Variants in MKKS observed in about 807,000 individuals in gnomAD.
The protein encoded by MKKS is molecular chaperone MKKS.
Under a neutral mutation model 33.2 loss-of-function variants are expected in MKKS, and 29 were observed. That is an observed-to-expected ratio of 0.87 (90% confidence interval 0.65 to 1.19). MKKS has a LOEUF of 1.19. Among genes scored for constraint, MKKS ranks in the 50% most tolerant of loss-of-function variants. The pLI is 0.00. For synonymous variants in MKKS, 260 were observed against 244.0 expected, an observed-to-expected ratio of 1.07 and a Z score of -0.61; for missense variants, 661 against 662.3, an observed-to-expected ratio of 1.00 and a Z score of 0.02.
At chr20:10,433,510 T>C (rs955793054) in intron 1 of MKKS, among the ~76,000 whole-genome samples, 2 of 152,116 alleles carry the variant, frequency 1.3e-5, no homozygotes, top group Non-Finnish European at 2.9e-5. Flanking sequence ...AATGAATGAA[T>C]GAAACCGTCA....
In MKKS at chr20:10,407,599, A is replaced by C. The variant is rs1433995589; in HGVS notation, c.1272+17T>G. 16 of 1,591,358 alleles carry C rather than the reference A, an allele frequency of 1.0e-5. No homozygotes were observed. Among genetic ancestry groups the C allele is most frequent in the African/African-American group, 1.3e-5 (1 of 74,464 alleles). ...TGCTGAGAATTCAGGTAATCCGAAGAGGATTATCTTACATACCTTGTGTCT... is the reference window on the plus strand; with the variant it reads ...TGCTGAGAATTCAGGTAATCCGAAGCGGATTATCTTACATACCTTGTGTCT... On this transcript the variant is annotated intron_variant, in intron 5 of 5. Coordinates refer to ENST00000347364, the MANE Select transcript of MKKS (RefSeq NM_170784.3).
chr20:10,424,307 G>C (rs1008127523), intron 1 of MKKS, among the ~76,000 whole-genome samples: 6 of 151,996 alleles, frequency 3.9e-5, no homozygotes, highest in Non-Finnish European at 7.4e-5. Context: ...TGTTACCCCA[G>C]CACTCTAGGA....
At chr20:10,410,619 C>A (rs988942891) in intron 3 of MKKS, among the ~76,000 whole-genome samples, 3 of 152,170 alleles carry the variant, frequency 2.0e-5, no homozygotes, top group South Asian at 2.1e-4. Flanking sequence ...TAGAGTGAGA[C>A]TCCACCTTAA....
At chr20:10,405,729 T>C (rs1255147071) in intron 5 of MKKS, 42 bp from the exon 6 acceptor site, 1 of 1,473,732 alleles carries the variant, frequency 6.8e-7, no homozygotes, top group African/African-American at 1.4e-5. Context: ...ACAAAGCAAT[T>C]AATATAAAAT....
intron 2 of MKKS, among the ~76,000 whole-genome samples, chr20:10,420,237 T>C (rs993455646): frequency 6.6e-6 from 1 of 152,210 alleles, no homozygotes; most frequent in Non-Finnish European, 1.5e-5. Context: ...TTGTGATATG[T>C]AATGGTAAGG....
rs1239867583 is a variant in MKKS at position 10,413,342 on chromosome 20, G to C, written c.173C>G (p.Ser58Ter). The C allele has an allele frequency of 6.2e-7, 1 of 1,614,188 alleles. No individual in the cohort carries two copies. The change falls in exon 3 of 6, where the codon TCA becomes TGA. Residue 58 changes from serine (S) to a stop codon, truncating the protein, a stop_gained. Transcript: ENST00000347364. LOFTEE classifies it high-confidence loss of function. Reference sequence around the variant, plus strand: ...GTGACTGAGCAGAGCTGAGGACTGTGAGGTTGTACACACGTAACCTCCAAA... The same window carrying C: ...GTGACTGAGCAGAGCTGAGGACTGTCAGGTTGTACACACGTAACCTCCAAA... Reference protein sequence around the residue: ...NGFGGYVCTTSQSSALLSHLL... With the variant: ...NGFGGYVCTT
Position 10,401,553 on chromosome 20 carries a change from G to C in MKKS, c.*3694C>G, listed in dbSNP as rs1366942260. On this transcript the variant is annotated 3_prime_UTR_variant, in exon 6 of 6. Transcript: ENST00000347364. Reference sequence around the variant, plus strand: ...AATAACCTAACTAATTGTATGTTTTGTCAAGGCCTGCATTGATTTTTTACA... The same window carrying C: ...AATAACCTAACTAATTGTATGTTTTCTCAAGGCCTGCATTGATTTTTTACA... 6.6e-6 allele frequency: 1 copy of C among 152,104 alleles called. No individual in the cohort carries two copies. Among genetic ancestry groups the C allele is most frequent in the Non-Finnish European group, 1.5e-5 (1 of 68,010 alleles). 9.4% of individuals were successfully genotyped at this position (152,104 alleles called of 1,614,324 possible).
intron 1 of MKKS, among the ~76,000 whole-genome samples, chr20:10,428,546 A>C (rs892491868): frequency 1.3e-5 from 2 of 152,146 alleles, no homozygotes; most frequent in African/African-American, 4.8e-5. Flanking sequence ...CTCTCAACTA[A>C]ATCTTCTTTC....
In MKKS at chr20:10,403,014, G is replaced by A. The variant is rs990518564; in HGVS notation, c.*2233C>T. ...TGGCTTTTTTGCATCAGGGTCTCTC[G>A]TGTGGCTCCAGTGGTAGGGCTATAC... On this transcript the variant is annotated 3_prime_UTR_variant, in exon 6 of 6. Transcript: ENST00000347364. 8 of 152,146 alleles carry A rather than the reference G, an allele frequency of 5.3e-5. No homozygotes were observed. Among genetic ancestry groups the A allele is most frequent in the Non-Finnish European group, 1.0e-4 (7 of 68,028 alleles). The allele number at this position is 152,146 out of a possible 1,614,324, so 9.4% of individuals were successfully genotyped here. A position where few individuals can be genotyped will look rare whatever the true frequency, so the allele number is the denominator to read the frequency against.
intron 1 of MKKS, among the ~76,000 whole-genome samples, chr20:10,427,295 GCTGGC>G (rs2065022397): frequency 6.6e-6 from 1 of 152,152 alleles, no homozygotes; most frequent in African/African-American, 2.4e-5. Context: ...GGCGCCATCT[GCTGGC>G]CTTTTGGACA....
rs2064816371 is a variant in MKKS at position 10,402,602 on chromosome 20, A to G, written c.*2645T>C. The G allele has an allele frequency of 6.6e-6, 1 of 152,216 alleles. No homozygotes were observed. The highest frequency in any genetic ancestry group is 2.1e-4 in the South Asian group (1 of 4,834). 9.4% of individuals were successfully genotyped at this position (152,216 alleles called of 1,614,324 possible). ...AGAATTTAAAAAGTGGCTATCGTGA[A>G]AAGTAGAAGCCCCTAATCTATAAGA... On this transcript the variant is annotated 3_prime_UTR_variant, in exon 6 of 6. Transcript: ENST00000347364.
At chr20:10,431,568 A>AAACCC (rs1600863181) in intron 1 of MKKS, 1 of 151,498 alleles carries the variant, frequency 6.6e-6, no homozygotes, top group South Asian at 2.1e-4. Flanking sequence ...AAACCAAACC[A>AAACCC]AACCCGCACA....
At chr20:10,415,288 AATCT>A (rs1467480881) in intron 2 of MKKS, among the ~76,000 whole-genome samples, 1 of 152,078 alleles carries the variant, frequency 6.6e-6, no homozygotes, top group Non-Finnish European at 1.5e-5. Flanking sequence ...AAATGAAACA[AATCT>A]ATTTAGCCTA....
chr20:10,407,263 G>A (rs1013392893), intron 5 of MKKS, among the ~76,000 whole-genome samples: 3 of 152,104 alleles, frequency 2.0e-5, no homozygotes, highest in African/African-American at 7.2e-5. Context: ...ATCTCTAAGA[G>A]AACTCCCAAT....
intron 1 of MKKS, among the ~76,000 whole-genome samples, chr20:10,425,519 A>C (rs983748140): frequency 6.6e-6 from 1 of 152,246 alleles, no homozygotes; most frequent in African/African-American, 2.4e-5. Flanking sequence ...AAGGTTCATG[A>C]TACTGAGAAG....
At chr20:10,419,093 C>A (rs2064961215) in intron 2 of MKKS, among the ~76,000 whole-genome samples, 1 of 151,952 alleles carries the variant, frequency 6.6e-6, no homozygotes, top group African/African-American at 2.4e-5. Flanking sequence ...GTAATTATAC[C>A]AAAAGTCAAA....
intron 4 of MKKS, among the ~76,000 whole-genome samples, chr20:10,408,217 T>C (rs1311520120): frequency 6.6e-6 from 1 of 152,206 alleles, no homozygotes; most frequent in Non-Finnish European, 1.5e-5. Context: ...ATCCCATAGA[T>C]TATCATTTCC....
At chr20:10,431,948 C>G (rs36224662) in intron 1 of MKKS, 1 of 151,888 alleles carries the variant, frequency 6.6e-6, no homozygotes, top group Non-Finnish European at 1.5e-5. Flanking sequence ...TTCTCTAGCA[C>G]GTGATTCCTT....
At position 10,407,670 on chromosome 20, in the gene MKKS, A is replaced by C; in HGVS notation, c.1218T>G (p.Ala406=). The change falls in exon 5 of 6, where the codon GCT becomes GCG. Residue 406 remains alanine (A), a synonymous_variant. Transcript: ENST00000347364. ...VLQLTLKEPW[A]LLGGGCTETH... ...TTTCAGTACAGCCACCTCCCAACAA[A>C]GCCCATGGTTCCTTGAGTGTTAACT... 6.2e-7 allele frequency: 1 copy of C among 1,614,040 alleles called. No homozygotes were observed. Among genetic ancestry groups the C allele is most frequent in the Non-Finnish European group, 8.5e-7 (1 of 1,179,958 alleles).
Sources: allele counts gnomAD v4.1 joint callset (sites outside exome capture counted in the v4.1 genomes callset), GRCh38; gene constraint gnomAD v4.1.1; transcripts MANE v1.5; gene names NCBI Gene and HGNC (gene_info 2026-07-23, HGNC 2026-07-21).